Variants in PIK3R5 observed in about 807,000 individuals in gnomAD.
The protein encoded by PIK3R5 is phosphoinositide-3-kinase regulatory subunit 5.
A neutral mutation model predicts 94.9 loss-of-function variants in PIK3R5; 32 were observed. That is an observed-to-expected ratio of 0.34 (90% CI 0.25 to 0.45). PIK3R5 has a LOEUF of 0.45. Ranked by LOEUF, PIK3R5 falls within the 20% of genes least tolerant of loss-of-function variation. The probability of loss-of-function intolerance (pLI) is 1.00; values close to 1 mark genes in which losing one functional copy is unlikely to be tolerated. For synonymous variants in PIK3R5, 443 were observed against 479.4 expected (o/e 0.92, Z 0.99); for missense variants, 853 against 1,144.6 (o/e 0.75, Z 3.68).
intron 1 of PIK3R5, among the ~76,000 whole-genome samples, chr17:8,946,156 T>C (rs1460959073): frequency 2.1e-5 from 2 of 93,756 alleles, no homozygotes; most frequent in Non-Finnish European, 4.6e-5. Flanking sequence ...TTGGGATAGG[T>C]AGGTAGTTAC....
chr17:8,881,852 GCT>G lies in PIK3R5; in HGVS notation c.2233_2234del (p.Ser745GlnfsTer48). The G allele has an allele frequency of 1.2e-6, 2 of 1,614,094 alleles. No homozygotes were observed. Among genetic ancestry groups the G allele is most frequent in the Non-Finnish European group, 1.7e-6 (2 of 1,179,964 alleles). Reference sequence around the variant, plus strand: ...CGGAGGTACAGACCTTCTCCAGGTTGCTCCAGCGACTTCGTCCACTGATGGCC... The same window carrying G: ...CGGAGGTACAGACCTTCTCCAGGTTGCCAGCGACTTCGTCCACTGATGGCC... ...KGAISGRSRW[S>X]NLEKVCTSVN... On this transcript the variant is annotated frameshift_variant, in exon 16 of 19. Transcript: ENST00000447110. LOFTEE classifies it high-confidence loss of function. The surrounding 1 kb of genome is among the most constrained non-coding windows in gnomAD (Gnocchi z 4.8).
At chr17:8,934,169 G>C (rs1597416643) in intron 1 of PIK3R5, among the ~76,000 whole-genome samples, 1 of 152,142 alleles carries the variant, frequency 6.6e-6, no homozygotes, top group African/African-American at 2.4e-5. Flanking sequence ...TGACATGACT[G>C]TATACTTAGA....
Position 8,893,654 on chromosome 17 carries a change from C to T in PIK3R5, c.414G>A (p.Gly138=), listed in dbSNP as rs1005293751. Residue 138 remains glycine, a splice_region_variant and synonymous_variant, in exon 6 of 19, where the codon GGG becomes GGA. Transcript: ENST00000447110. The surrounding 1 kb of genome is among the most constrained non-coding windows in gnomAD (Gnocchi z 5.1). ...CCCTCACCAGTCTCTGGTAGGAGAT[C>T]CCTGTGGGTCAAGAAGAAAAGAGTT... The part of the protein sequence containing the change: ...TFIDAELKAP[G]ISYQRLVRAE... 6.8e-6 allele frequency: 11 copies of T among 1,612,790 alleles called. No homozygotes were observed. The highest frequency in any genetic ancestry group is 8.5e-6 in the Non-Finnish European group (10 of 1,178,972).
In PIK3R5 at chr17:8,935,232, T is replaced by C. The variant is rs1007426579; in HGVS notation, c.-13-23725A>G. 6.6e-6 allele frequency among the ~76,000 whole-genome samples: 1 copy of C among 152,176 alleles called. No homozygotes were observed. Among genetic ancestry groups the C allele is most frequent in the Non-Finnish European group, 1.5e-5 (1 of 68,030 alleles). ...GACGTCAATGTCCCATCTAACATAA[T>C]GGTTCTAACCCCAGTGCCTGGCACA... is the stretch of plus-strand genomic sequence containing the variant. On this transcript the variant is annotated intron_variant, in intron 1 of 18. Coordinates refer to ENST00000447110, the MANE Select transcript of PIK3R5 (RefSeq NM_001142633.3). This position sits in a 1 kb window ranked among gnomAD's most constrained non-coding sequence, Gnocchi z 4.5.
Position 8,887,688 on chromosome 17 carries a change from CAAG to C in PIK3R5, c.1617-8_1617-6del, listed in dbSNP as rs1479143340. The C allele has an allele frequency of 2.6e-5, 42 of 1,586,546 alleles. No homozygotes were observed. The highest frequency in any genetic ancestry group is 3.3e-5 in the Non-Finnish European group (38 of 1,166,382). ...GGGCGATTGTTCTCCAGCCGCCTGG[CAAG>C]AAGAAGATGGTGAGAAGGGGAATGG... On this transcript the variant is annotated splice_polypyrimidine_tract_variant and splice_region_variant and intron_variant, in intron 10 of 18. Transcript: ENST00000447110.
In PIK3R5 at chr17:8,892,839, C is replaced by T. The variant is rs2090059063; in HGVS notation, c.482+747G>A. On this transcript the variant is annotated intron_variant, in intron 6 of 18. Coordinates refer to ENST00000447110, the MANE Select transcript of PIK3R5 (RefSeq NM_001142633.3). This position sits in a 1 kb window ranked among gnomAD's most constrained non-coding sequence, Gnocchi z 4.3. ...TGGTGAAGGCCGGGGTCCCTGGGCT[C>T]CCAACATGTCAAGGTGAGACAGCAC... Among the ~76,000 whole-genome samples, 3 of 152,080 alleles carry T rather than the reference C, an allele frequency of 2.0e-5. No individual in the cohort carries two copies. The highest frequency in any genetic ancestry group is 2.1e-4 in the South Asian group (1 of 4,818).
In PIK3R5 at chr17:8,884,941, G is replaced by A; in HGVS notation, c.2129-158C>T. ...TCACCAAGGCCCTGCCTCTCTCTCT[G>A]GCTCCACGTTCTGGGGATCTCCACC... On this transcript the variant is annotated intron_variant, in intron 14 of 18. Transcript: ENST00000447110. This position sits in a 1 kb window ranked among gnomAD's most constrained non-coding sequence, Gnocchi z 5.8. 1.6e-6 allele frequency: 1 copy of A among 631,324 alleles called. No homozygotes were observed. Among genetic ancestry groups the A allele is most frequent in the Non-Finnish European group, 2.8e-6 (1 of 351,300 alleles). The allele number at this position is 631,324 out of a possible 1,614,324, so 39.1% of individuals were successfully genotyped here. A position where few individuals can be genotyped will look rare whatever the true frequency, so the allele number is the denominator to read the frequency against.
intron 4 of PIK3R5, 105 bp from the exon 5 acceptor site, chr17:8,905,020 C>T (rs1266751676): frequency 8.1e-6 from 10 of 1,238,440 alleles, no homozygotes; most frequent in Non-Finnish European, 1.1e-5. Flanking sequence ...AAAAGACACA[C>T]ATTTCCTGGC....
At chr17:8,883,772 C>G (rs1034091286) in intron 15 of PIK3R5, among the ~76,000 whole-genome samples, 1 of 152,202 alleles carries the variant, frequency 6.6e-6, no homozygotes, top group Non-Finnish European at 1.5e-5. Flanking sequence ...CGAACCAATG[C>G]CTACCACCCA....
chr17:8,942,451 C>T (rs1319585603), intron 1 of PIK3R5, among the ~76,000 whole-genome samples: 1 of 152,158 alleles, frequency 6.6e-6, no homozygotes, highest in East Asian at 1.9e-4. Flanking sequence ...GCCACAACCC[C>T]CCATCTGCAG....
At chr17:8,953,690 CCACTG>C (rs1417162690) in intron 1 of PIK3R5, among the ~76,000 whole-genome samples, 1 of 152,184 alleles carries the variant, frequency 6.6e-6, no homozygotes, top group East Asian at 1.9e-4. Context: ...GGTTACCCAC[CCACTG>C]AAGAGGGGAA....
At chr17:8,899,529 C>T (rs1036611842) in intron 5 of PIK3R5, among the ~76,000 whole-genome samples, 5 of 152,146 alleles carry the variant, frequency 3.3e-5, no homozygotes, top group Non-Finnish European at 5.9e-5. Context: ...GATGAGGAAA[C>T]GGAAGCTCAC....
chr17:8,905,731 C>T lies in PIK3R5; in HGVS notation c.211G>A (p.Glu71Lys), dbSNP rs1254180805. ...GTGAGCAGGTCGTAGGTGCCCTTCTCCTGGACCTGTGGAGAGGAGGAGAAG... is the reference window on the plus strand; with the variant it reads ...GTGAGCAGGTCGTAGGTGCCCTTCTTCTGGACCTGTGGAGAGGAGGAGAAG... ...QILQKTREVQ[E>K]KGTYDLLTPL... is the part of the protein sequence containing the mutation. The change falls in exon 4 of 19, where the codon GAG (glutamate) becomes AAG (lysine). Residue 71 changes from glutamate to lysine, a missense_variant. This residue lies in a region of PIK3R5 where 108 missense variants were observed against 170.1 expected (regional missense o/e 0.63). Transcript: ENST00000447110. 2 of 1,600,550 alleles carry T rather than the reference C, an allele frequency of 1.2e-6. No homozygotes were observed. The highest frequency in any genetic ancestry group is 1.7e-6 in the Non-Finnish European group (2 of 1,173,626).
Position 8,935,880 on chromosome 17 carries a change from C to G in PIK3R5, c.-13-24373G>C, listed in dbSNP as rs1240674318. ...CTATACTGGCTAACGCAGTGAAACC[C>G]GATCTCTACTAAAAATACAAAAAAT... On this transcript the variant is annotated intron_variant, in intron 1 of 18. Transcript: ENST00000447110. This position sits in a 1 kb window ranked among gnomAD's most constrained non-coding sequence, Gnocchi z 4.5. Among the ~76,000 whole-genome samples the G allele has an allele frequency of 2.6e-5, 4 of 152,004 alleles. No individual in the cohort carries two copies. The highest frequency in any genetic ancestry group is 5.9e-5 in the Non-Finnish European group (4 of 67,986).
chr17:8,900,928 C>T (rs1051249159), intron 5 of PIK3R5, among the ~76,000 whole-genome samples: 1 of 152,160 alleles, frequency 6.6e-6, no homozygotes. Flanking sequence ...CCCCACAACT[C>T]TCTTATCCTT....
At position 8,890,059 on chromosome 17, in the gene PIK3R5, C is replaced by T; in HGVS notation, c.725G>A (p.Gly242Asp). The T allele has an allele frequency of 6.2e-7, 1 of 1,614,014 alleles. No individual in the cohort carries two copies. Among genetic ancestry groups the T allele is most frequent in the Non-Finnish European group, 8.5e-7 (1 of 1,179,964 alleles). Residue 242 changes from glycine (G) to aspartate (D), a missense_variant, in exon 8 of 19, where the codon GGC (glycine) becomes GAC (aspartate). By Grantham distance (94) the Gly-to-Asp change is moderately conservative (BLOSUM62 -1). Around this residue, in one of 6 missense-constraint regions of PIK3R5, gnomAD observed 161 missense variants for 249.5 expected, o/e 0.65. Transcript: ENST00000447110. This position sits in a 1 kb window ranked among gnomAD's most constrained non-coding sequence, Gnocchi z 6.1. ...CCGGGCCTCTGCAGCATCCCCGATG[C>T]CAGATGCCAGCTCCTGTGCCTCTGC... Reference protein sequence around the residue: ...ETAEAQELASGIGDAAEARRW... With the variant: ...ETAEAQELASDIGDAAEARRW...
rs148036219 is a variant in PIK3R5 at position 8,949,154 on chromosome 17, C to T, written c.-14+16442G>A. 1.4e-3 allele frequency among the ~76,000 whole-genome samples: 210 copies of T among 152,260 alleles called. No homozygotes were observed. In the Middle Eastern group the frequency reaches 0.017, roughly 12 times the overall value. On this transcript the variant is annotated intron_variant, in intron 1 of 18. Coordinates refer to ENST00000447110, the MANE Select transcript of PIK3R5 (RefSeq NM_001142633.3). ...TGAAGGGTAGGCATGACATGGGGCA[C>T]GCTGGGAGATGATGCTGCATGGGCT...
chr17:8,920,987 A>G (rs2090732509), intron 1 of PIK3R5, among the ~76,000 whole-genome samples: 1 of 151,862 alleles, frequency 6.6e-6, no homozygotes, highest in Non-Finnish European at 1.5e-5. Context: ...GATTACAGGC[A>G]TGCATCACCA....
chr17:8,954,444 C>T (rs867509338), intron 1 of PIK3R5, among the ~76,000 whole-genome samples: 10 of 152,188 alleles, frequency 6.6e-5, no homozygotes, highest in African/African-American at 2.4e-4. Flanking sequence ...CCTGATTGCC[C>T]CACAGCCTGG....
Sources: gnomAD v4.1 joint callset for allele counts (sites outside exome capture counted in the v4.1 genomes callset) on GRCh38, gnomAD v4.1.1 for gene constraint, gnomAD v4.1.1 regional missense constraint, Gnocchi (gnomAD v3.1) non-coding constraint, MANE v1.5 for transcripts, NCBI Gene and HGNC (gene_info 2026-07-23, HGNC 2026-07-21) for gene names.